Variants in PLAC1 observed in about 807,000 individuals in gnomAD.
PLAC1 encodes placenta associated 1.
For synonymous variants in PLAC1, 68 were observed against 62.1 expected (o/e 1.09, Z -0.44); for missense variants, 136 against 163.2 (o/e 0.83, Z 0.91).
chrX:134,594,358 T>C (rs1382607699), intron 2 of PLAC1, among the ~76,000 whole-genome samples: 9 of 111,864 alleles, frequency 8.0e-5, no homozygotes, highest in Admixed American at 7.6e-4. Flanking sequence ...TCTGCAGTTT[T>C]CTTTTACTGT....
chrX:134,754,980 T>C (rs1430981592), intron 1 of PLAC1, among the ~76,000 whole-genome samples: 2 of 111,415 alleles, frequency 1.8e-5, no homozygotes, highest in African/African-American at 6.5e-5. Context: ...AAAATAATTA[T>C]AGAAACATAA....
intron 2 of PLAC1, among the ~76,000 whole-genome samples, chrX:134,575,841 A>G (rs2077936160): frequency 9.1e-6 from 1 of 109,885 alleles, no homozygotes. Context: ...ACTTGTTTAA[A>G]AAAAAGCAAT....
intron 1 of PLAC1, among the ~76,000 whole-genome samples, chrX:134,760,773 G>A (rs975313788): frequency 9.0e-6 from 1 of 111,425 alleles, no homozygotes; most frequent in African/African-American, 3.3e-5. Context: ...CTTGAATCCG[G>A]GCTAGCTAGC....
chrX:134,665,769 G>A (rs1175243879), intron 2 of PLAC1, among the ~76,000 whole-genome samples: 1 of 111,148 alleles, frequency 9.0e-6, no homozygotes, highest in Non-Finnish European at 1.9e-5. Context: ...GAGAAAGCAG[G>A]ACCAGGCAAG....
intron 1 of PLAC1, among the ~76,000 whole-genome samples, chrX:134,647,708 T>C (rs1302283084): frequency 9.0e-6 from 1 of 111,334 alleles, no homozygotes. Context: ...AGTGTTTAGT[T>C]TTCCTGGAAA....
chrX:134,677,619 G>A (rs1046229378), intron 2 of PLAC1, among the ~76,000 whole-genome samples: 20 of 111,493 alleles, frequency 1.8e-4, no homozygotes, highest in Admixed American at 8.5e-4. Context: ...TGGCTGGAAC[G>A]TAGTGAGTAA....
chrX:134,666,583 G>A (rs780019569), intron 2 of PLAC1, among the ~76,000 whole-genome samples: 5 of 111,432 alleles, frequency 4.5e-5, no homozygotes, highest in African/African-American at 9.8e-5. Flanking sequence ...AACTCATGAC[G>A]GCATGCTCAG....
intron 2 of PLAC1, among the ~76,000 whole-genome samples, chrX:134,713,929 G>A (rs1453706292): frequency 9.0e-6 from 1 of 111,447 alleles, no homozygotes; most frequent in East Asian, 2.8e-4. Flanking sequence ...CCTCTCCAGG[G>A]AAATCAGGCA....
At chrX:134,737,719 A>T (rs895335523) in intron 1 of PLAC1, among the ~76,000 whole-genome samples, 1 of 112,485 alleles carries the variant, frequency 8.9e-6, no homozygotes, top group African/African-American at 3.2e-5. Context: ...GGAGATCTGG[A>T]AGCTCTAACC....
intron 1 of PLAC1, among the ~76,000 whole-genome samples, chrX:134,646,172 G>C (rs1466558652): frequency 8.9e-6 from 1 of 112,066 alleles, no homozygotes; most frequent in African/African-American, 3.2e-5. Flanking sequence ...CTGGAGTGGA[G>C]CAGTAGGAGC....
At chrX:134,757,614 G>A (rs1046537785) in intron 1 of PLAC1, among the ~76,000 whole-genome samples, 2 of 111,653 alleles carry the variant, frequency 1.8e-5, no homozygotes, top group Non-Finnish European at 1.9e-5. Flanking sequence ...GGGCAATCGG[G>A]AAATTTGAAT....
At chrX:134,625,121 C>T (rs1183869808) in intron 1 of PLAC1, among the ~76,000 whole-genome samples, 1 of 111,568 alleles carries the variant, frequency 9.0e-6, no homozygotes, top group Non-Finnish European at 1.9e-5. Context: ...AATGAACTCC[C>T]CTTCATTTTA....
chrX:134,756,591 T>C (rs1374444945), intron 1 of PLAC1, among the ~76,000 whole-genome samples: 1 of 110,889 alleles, frequency 9.0e-6, no homozygotes, highest in African/African-American at 3.3e-5. Context: ...GGCTCACGCC[T>C]GTAATCCCAG....
intron 1 of PLAC1, among the ~76,000 whole-genome samples, chrX:134,657,141 G>A (rs1378515573): frequency 8.9e-6 from 1 of 112,059 alleles, no homozygotes; most frequent in African/African-American, 3.2e-5. Context: ...CAAGGGTTGC[G>A]ACCATCATCC....
At chrX:134,653,084 C>T (rs948654836) in intron 1 of PLAC1, among the ~76,000 whole-genome samples, 4 of 112,504 alleles carry the variant, frequency 3.6e-5, no homozygotes, top group South Asian at 7.4e-4. Context: ...GATGGCTTCC[C>T]GATTCCACAA....
intron 2 of PLAC1, among the ~76,000 whole-genome samples, chrX:134,730,617 T>A (rs1336394777): frequency 1.8e-5 from 2 of 110,600 alleles, no homozygotes; most frequent in Admixed American, 9.7e-5. Context: ...GCTAATTTTT[T>A]AAAAATTTTT....
intron 2 of PLAC1, among the ~76,000 whole-genome samples, chrX:134,706,550 G>A: frequency 8.9e-6 from 1 of 111,797 alleles, no homozygotes; most frequent in East Asian, 2.8e-4. Flanking sequence ...CCAAAAACCA[G>A]GAAAATCTCA....
At chrX:134,680,668 T>C (rs1405566207) in intron 2 of PLAC1, among the ~76,000 whole-genome samples, 3 of 111,879 alleles carry the variant, frequency 2.7e-5, no homozygotes, top group Non-Finnish European at 5.6e-5. Context: ...ATTACCCAGC[T>C]AAGGGTTTGG....
chrX:134,745,582 G>A (rs759476413), intron 1 of PLAC1, among the ~76,000 whole-genome samples: 1 of 111,922 alleles, frequency 8.9e-6, no homozygotes, highest in Admixed American at 9.5e-5. Context: ...TAATTGGCCA[G>A]TCCCTGAAAG....
Sources: gnomAD v4.1 joint callset for allele counts (sites outside exome capture counted in the v4.1 genomes callset) on GRCh38, gnomAD v4.1.1 for gene constraint, MANE v1.5 for transcripts, NCBI Gene and HGNC (gene_info 2026-07-23, HGNC 2026-07-21) for gene names.